Variants in ZFAND3 observed in about 807,000 individuals in gnomAD.
ZFAND3 encodes AN1-type zinc finger protein 3.
In ZFAND3, 10 loss-of-function variants were observed where a neutral mutation model predicts 29.6. The ratio of observed to expected loss-of-function variants is 0.34; its 90% CI spans 0.21 to 0.57. ZFAND3 has a LOEUF of 0.57. Among genes scored for constraint, ZFAND3 ranks in the 20% least tolerant of loss-of-function variants. The pLI, the probability that ZFAND3 is intolerant of heterozygous loss-of-function variation, is 0.86. For synonymous variants in ZFAND3, 128 were observed against 112.6 expected (o/e 1.14, Z -0.87); for missense variants, 230 against 304.5 (o/e 0.76, Z 1.82).
intron 2 of ZFAND3, among the ~76,000 whole-genome samples, chr6:37,954,542 G>A (rs11759826): frequency 0.17 from 25,498 of 151,952 alleles, 2,344 homozygotes; most frequent in East Asian, 0.33. Context: ...CTTGTCTCCC[G>A]TCTAGCTTTT....
At chr6:37,951,309 A>G (rs1015992590) in intron 2 of ZFAND3, among the ~76,000 whole-genome samples, 5 of 152,050 alleles carry the variant, frequency 3.3e-5, no homozygotes, top group Admixed American at 2.0e-4. Context: ...AAATCATATC[A>G]TGGCTGGGTG....
At chr6:38,000,200 T>C (rs73421467) in intron 2 of ZFAND3, among the ~76,000 whole-genome samples, 10,452 of 152,242 alleles carry the variant, frequency 0.069, 425 homozygotes, top group Non-Finnish European at 0.087. Context: ...TTTGAGATGA[T>C]GTTGATCTCA....
intron 5 of ZFAND3, among the ~76,000 whole-genome samples, chr6:38,137,650 G>A (rs528261832): frequency 6.6e-6 from 1 of 152,136 alleles, no homozygotes; most frequent in Non-Finnish European, 1.5e-5. Context: ...GAGATATGAT[G>A]TAATAAAATG....
intron 5 of ZFAND3, among the ~76,000 whole-genome samples, chr6:38,136,439 C>T (rs1170395608): frequency 6.6e-6 from 1 of 152,164 alleles, no homozygotes; most frequent in African/African-American, 2.4e-5. Context: ...CTGCTGTCTT[C>T]CATAGAAGAC....
intron 2 of ZFAND3, chr6:38,003,551 T>C (rs1207370625): frequency 5.8e-6 from 1 of 170,970 alleles, no homozygotes; most frequent in African/African-American, 2.4e-5. Context: ...CAGGCTGGAG[T>C]GCATCAGTGT....
At chr6:37,996,385 C>G (rs1231448853) in intron 2 of ZFAND3, among the ~76,000 whole-genome samples, 1 of 152,064 alleles carries the variant, frequency 6.6e-6, no homozygotes, top group African/African-American at 2.4e-5. Flanking sequence ...TTTATTATCA[C>G]AAAAGTATAA....
At chr6:38,057,531 C>A (rs1228463853) in intron 2 of ZFAND3, among the ~76,000 whole-genome samples, 1 of 152,174 alleles carries the variant, frequency 6.6e-6, no homozygotes, top group Non-Finnish European at 1.5e-5. Context: ...TGTACATTAT[C>A]TTATTTAATC....
chr6:38,088,312 CTCTTT>C, intron 4 of ZFAND3: 1 of 152,124 alleles, frequency 6.6e-6, no homozygotes, highest in East Asian at 1.9e-4. Context: ...GTTGTACTTT[CTCTTT>C]TATTTGTGGG....
intron 1 of ZFAND3, among the ~76,000 whole-genome samples, chr6:37,879,645 G>A (rs1463805471): frequency 2.0e-5 from 3 of 152,122 alleles, no homozygotes; most frequent in African/African-American, 7.2e-5. Flanking sequence ...TTTTAAAAGA[G>A]TATTCAAGTA....
At chr6:37,998,973 A>G (rs1762898797) in intron 2 of ZFAND3, among the ~76,000 whole-genome samples, 1 of 152,236 alleles carries the variant, frequency 6.6e-6, no homozygotes, top group African/African-American at 2.4e-5. Flanking sequence ...AACAGTGATT[A>G]TATGTAGCAC....
At chr6:37,943,004 A>G (rs923613812) in intron 2 of ZFAND3, among the ~76,000 whole-genome samples, 2 of 152,174 alleles carry the variant, frequency 1.3e-5, no homozygotes, top group Non-Finnish European at 2.9e-5. Flanking sequence ...ACATTATAGC[A>G]TGTATTAACC....
At chr6:38,049,746 T>A (rs2127459483) in intron 2 of ZFAND3, among the ~76,000 whole-genome samples, 1 of 152,258 alleles carries the variant, frequency 6.6e-6, no homozygotes, top group Admixed American at 6.5e-5. Flanking sequence ...CCTGATATGC[T>A]TTAATAGATG....
intron 1 of ZFAND3, among the ~76,000 whole-genome samples, chr6:37,912,348 T>C (rs186992168): frequency 9.2e-5 from 14 of 152,242 alleles, no homozygotes; most frequent in Admixed American, 5.9e-4. Context: ...GGTGGCTCAA[T>C]AGAAAACTTG....
At chr6:38,066,325 C>G (rs1581888767) in intron 3 of ZFAND3, among the ~76,000 whole-genome samples, 2 of 152,160 alleles carry the variant, frequency 1.3e-5, no homozygotes, top group South Asian at 4.1e-4. Context: ...CTACATCTTG[C>G]AAATTTTTTA....
At chr6:38,135,325 T>C (rs2127492921) in intron 5 of ZFAND3, among the ~76,000 whole-genome samples, 1 of 152,358 alleles carries the variant, frequency 6.6e-6, no homozygotes, top group East Asian at 1.9e-4. Context: ...TATAGTTCAT[T>C]GGAGAAGTGC....
chr6:37,845,774 GA>G (rs1764167187), intron 1 of ZFAND3, among the ~76,000 whole-genome samples: 1 of 152,154 alleles, frequency 6.6e-6, no homozygotes, highest in Non-Finnish European at 1.5e-5. Flanking sequence ...AGTGCTTTGG[GA>G]AATAATGATG....
Position 37,903,584 on chromosome 6 carries a change from T to C in ZFAND3, c.72-26375T>C, listed in dbSNP as rs560990439. Among the ~76,000 whole-genome samples the C allele has an allele frequency of 3.7e-4, 57 of 152,340 alleles. 1 individual carries two copies. The highest frequency in any genetic ancestry group is 1.3e-3 in the African/African-American group (55 of 41,576). On this transcript the variant is annotated intron_variant, in intron 1 of 5. Coordinates refer to ENST00000287218, the MANE Select transcript of ZFAND3 (RefSeq NM_021943.3). ...GATGGAATAGCAAGAGTATGTAACATTGACCCTAGGTCAGTGGTCTGTGGT... is the reference window on the plus strand; with the variant it reads ...GATGGAATAGCAAGAGTATGTAACACTGACCCTAGGTCAGTGGTCTGTGGT...
At chr6:37,843,251 T>C (rs761257125) in intron 1 of ZFAND3, among the ~76,000 whole-genome samples, 89 of 152,210 alleles carry the variant, frequency 5.8e-4, no homozygotes, top group African/African-American at 1.5e-3. Flanking sequence ...TTTGGGAGGC[T>C]GAGGCAGGTG....
intron 2 of ZFAND3, among the ~76,000 whole-genome samples, chr6:37,930,848 A>G (rs561799427): frequency 4.6e-5 from 7 of 152,234 alleles, no homozygotes; most frequent in Non-Finnish European, 8.8e-5. Flanking sequence ...ACAAAGCTGC[A>G]TACTAGCTAA....
Sources: gnomAD v4.1 joint callset for allele counts (sites outside exome capture counted in the v4.1 genomes callset) on GRCh38, gnomAD v4.1.1 for gene constraint, MANE v1.5 for transcripts, NCBI Gene and HGNC (gene_info 2026-07-23, HGNC 2026-07-21) for gene names.